The following NWD2 variants were observed in gnomAD, a reference collection of about 807,000 sequenced individuals.
NWD2 encodes NACHT and WD repeat domain-containing protein 2.
A neutral mutation model predicts 132.7 loss-of-function variants in NWD2; 37 were observed. The observed-to-expected ratio is 0.28, with a 90% confidence interval of 0.21 to 0.37. The LOEUF is 0.37. Among genes scored for constraint, NWD2 ranks in the 10% least tolerant of loss-of-function variants. The pLI, the probability that NWD2 is intolerant of heterozygous loss-of-function variation, is 1.00. For synonymous variants in NWD2, 705 were observed against 803.0 expected (o/e 0.88, Z 2.06); for missense variants, 1,592 against 2,122.4 (o/e 0.75, Z 4.91).
At chr4:37,413,335 G>T (rs1282511484) in intron 3 of NWD2, among the ~76,000 whole-genome samples, 1 of 152,140 alleles carries the variant, frequency 6.6e-6, no homozygotes, top group Non-Finnish European at 1.5e-5. Flanking sequence ...TTTCTCAAAA[G>T]AAGACATTTA....
chr4:37,439,096 A>T lies in NWD2; in HGVS notation c.1002A>T (p.Ile334=), dbSNP rs761255574. The T allele has an allele frequency of 2.6e-5, 40 of 1,551,860 alleles. No individual in the cohort carries two copies. The South Asian group carries it at 4.6e-4, about 18-fold the overall frequency. The change falls in exon 6 of 7, where the codon ATA becomes ATT. Residue 334 remains isoleucine (I), a synonymous_variant. Transcript: ENST00000309447. The surrounding 1 kb of genome is among the most constrained non-coding windows in gnomAD (Gnocchi z 4.5). ...CDMKLGYSQE[I]ENHYIEGLGK... is the part of the protein sequence containing the mutation. ...TGAAACTAGGCTACTCCCAAGAAAT[A>T]GAAAATCATTACATCGAAGGACTTG...
chr4:37,255,763 C>A (rs1474374214), intron 1 of NWD2, among the ~76,000 whole-genome samples: 1 of 152,070 alleles, frequency 6.6e-6, no homozygotes, highest in East Asian at 1.9e-4. Context: ...AACCCAAGGC[C>A]AGAACTGCAG....
In NWD2 at chr4:37,245,317, G is replaced by A. The variant is rs545057076; in HGVS notation, c.151+99G>A. 7 of 1,336,154 alleles carry A rather than the reference G, an allele frequency of 5.2e-6. No homozygotes were observed. In the East Asian group the frequency reaches 1.1e-4, roughly 20 times the overall value. 82.8% of individuals were successfully genotyped at this position (1,336,154 alleles called of 1,614,324 possible). A position where few individuals can be genotyped will look rare whatever the true frequency, so the allele number is the denominator to read the frequency against. On this transcript the variant is annotated intron_variant, in intron 1 of 6. Transcript: ENST00000309447. ...CGCCCCACAGCCCGGTGCGCCCTGCGCTCCCTTCCTCCAGCTAAAGCCGTG... is the reference window on the plus strand; with the variant it reads ...CGCCCCACAGCCCGGTGCGCCCTGCACTCCCTTCCTCCAGCTAAAGCCGTG...
chr4:37,435,045 G>A (rs1036027251), intron 5 of NWD2, among the ~76,000 whole-genome samples: 24 of 152,242 alleles, frequency 1.6e-4, no homozygotes, highest in East Asian at 1.5e-3. Context: ...AGCATTCTGC[G>A]TACAGAGGCT....
chr4:37,334,484 T>G (rs1357029698), intron 2 of NWD2, among the ~76,000 whole-genome samples: 1 of 152,290 alleles, frequency 6.6e-6, no homozygotes, highest in East Asian at 1.9e-4. Flanking sequence ...AGACATACCC[T>G]TTCTTCACCC....
intron 1 of NWD2, among the ~76,000 whole-genome samples, chr4:37,310,003 C>T (rs182017967): frequency 2.0e-4 from 31 of 152,312 alleles, no homozygotes; most frequent in African/African-American, 5.8e-4. Context: ...TAGTTCACTG[C>T]CACACTGAAG....
chr4:37,253,181 G>T (rs887597882), intron 1 of NWD2, among the ~76,000 whole-genome samples: 1 of 152,182 alleles, frequency 6.6e-6, no homozygotes, highest in Non-Finnish European at 1.5e-5. Flanking sequence ...TCAGTAAATA[G>T]CACCCTTCTT....
chr4:37,300,713 A>ATGAC (rs1467109722), intron 1 of NWD2, among the ~76,000 whole-genome samples: 1 of 152,114 alleles, frequency 6.6e-6, no homozygotes, highest in Admixed American at 6.6e-5. Flanking sequence ...ATCTAGTTGA[A>ATGAC]TGACTACCCT....
intron 5 of NWD2, among the ~76,000 whole-genome samples, chr4:37,438,385 C>T (rs192605757): frequency 6.6e-6 from 1 of 152,118 alleles, no homozygotes; most frequent in Admixed American, 6.6e-5. Flanking sequence ...TGACAAGAAA[C>T]GGTTAACTAG....
chr4:37,306,960 G>A (rs1718721902), intron 1 of NWD2, among the ~76,000 whole-genome samples: 1 of 151,620 alleles, frequency 6.6e-6, no homozygotes. Context: ...GGAGGTGGAG[G>A]TTGTAGTGAG....
chr4:37,308,470 G>A (rs1718757591), intron 1 of NWD2, among the ~76,000 whole-genome samples: 1 of 152,212 alleles, frequency 6.6e-6, no homozygotes, highest in South Asian at 2.1e-4. Context: ...GGGAGCACTT[G>A]GAGGGGTATG....
intron 1 of NWD2, among the ~76,000 whole-genome samples, chr4:37,305,922 T>A (rs1047669262): frequency 6.6e-6 from 1 of 152,160 alleles, no homozygotes; most frequent in African/African-American, 2.4e-5. Context: ...AGAAGAATTG[T>A]TGTTAGTCCT....
intron 1 of NWD2, among the ~76,000 whole-genome samples, chr4:37,253,460 G>A (rs540995473): frequency 4.9e-4 from 75 of 152,316 alleles, no homozygotes; most frequent in Non-Finnish European, 9.4e-4. Flanking sequence ...AACAGGTCAT[G>A]TCCCAAGGGA....
At chr4:37,374,051 C>T (rs1431828581) in intron 3 of NWD2, among the ~76,000 whole-genome samples, 1 of 152,116 alleles carries the variant, frequency 6.6e-6, no homozygotes, top group Non-Finnish European at 1.5e-5. Flanking sequence ...CCCTCTGAAT[C>T]CTGTTGAAAT....
At chr4:37,382,057 A>G (rs7675939) in intron 3 of NWD2, among the ~76,000 whole-genome samples, 3,513 of 152,300 alleles carry the variant, frequency 0.023, 125 homozygotes, top group African/African-American at 0.08. Flanking sequence ...AGCATCTCAC[A>G]AATAAAATTT....
intron 3 of NWD2, among the ~76,000 whole-genome samples, chr4:37,407,448 T>C (rs1428699208): frequency 2.0e-5 from 3 of 152,132 alleles, no homozygotes; most frequent in African/African-American, 7.2e-5. Context: ...TGGGACAATA[T>C]TTGCATTTCT....
At chr4:37,270,244 G>A (rs557902593) in intron 1 of NWD2, among the ~76,000 whole-genome samples, 2 of 151,822 alleles carry the variant, frequency 1.3e-5, no homozygotes, top group South Asian at 4.2e-4. Context: ...ATAGTTATTA[G>A]CGTAATTCAA....
intron 2 of NWD2, among the ~76,000 whole-genome samples, chr4:37,339,440 C>A (rs1055132812): frequency 1.3e-5 from 2 of 152,210 alleles, no homozygotes; most frequent in Non-Finnish European, 2.9e-5. Flanking sequence ...AAATATACAG[C>A]AGTGACATTG....
chr4:37,311,651 T>C (rs570236383), intron 1 of NWD2, among the ~76,000 whole-genome samples: 2 of 148,316 alleles, frequency 1.3e-5, no homozygotes, highest in African/African-American at 5.3e-5. Context: ...AGATCCCATT[T>C]GTCAATTTTG....
Sources: allele counts gnomAD v4.1 joint callset (sites outside exome capture counted in the v4.1 genomes callset), GRCh38; gene constraint gnomAD v4.1.1; non-coding constraint Gnocchi (gnomAD v3.1); transcripts MANE v1.5; gene names NCBI Gene and HGNC (gene_info 2026-07-23, HGNC 2026-07-21).